Variants in MACROD2 observed in about 807,000 individuals in gnomAD.
MACROD2 encodes the protein mono-ADP ribosylhydrolase 2.
Under a neutral mutation model 70.4 loss-of-function variants are expected in MACROD2, and 36 were observed. That is an observed-to-expected ratio of 0.51 (90% CI 0.39 to 0.68). The LOEUF (loss-of-function observed/expected upper bound fraction) is 0.68. MACROD2 is among the 30% of genes least tolerant of loss of function. The pLI, the probability that MACROD2 is intolerant of heterozygous loss-of-function variation, is 0.00. For synonymous variants in MACROD2, 172 were observed against 178.8 expected, an observed-to-expected ratio of 0.96 and a Z score of 0.30; for missense variants, 496 against 538.4, an observed-to-expected ratio of 0.92 and a Z score of 0.78.
chr20:15,763,319 G>A (rs1429812632), intron 8 of MACROD2, among the ~76,000 whole-genome samples: 2 of 152,142 alleles, frequency 1.3e-5, no homozygotes, highest in Non-Finnish European at 2.9e-5. Flanking sequence ...CATCAGCAGT[G>A]AGTTGAATTG....
intron 5 of MACROD2, among the ~76,000 whole-genome samples, chr20:14,882,688 G>T (rs1028398200): frequency 6.6e-6 from 1 of 152,166 alleles, no homozygotes; most frequent in African/African-American, 2.4e-5. Context: ...GCAGAAAGGC[G>T]TTCAGACCGT....
chr20:14,870,094 T>A (rs567262591), intron 5 of MACROD2, among the ~76,000 whole-genome samples: 2 of 152,110 alleles, frequency 1.3e-5, no homozygotes, highest in South Asian at 4.1e-4. Context: ...CTGATCTCTT[T>A]CTCTTCTCAC....
chr20:15,105,193 G>GT (rs554274888), intron 5 of MACROD2, among the ~76,000 whole-genome samples: 10 of 152,012 alleles, frequency 6.6e-5, no homozygotes, highest in Admixed American at 2.6e-4. Flanking sequence ...CTCAAATGAT[G>GT]TTTTTTTTCT....
chr20:14,465,163 G>A (rs1884888659), intron 3 of MACROD2, among the ~76,000 whole-genome samples: 1 of 151,986 alleles, frequency 6.6e-6, no homozygotes, highest in South Asian at 2.1e-4. Context: ...TTAATGTGTG[G>A]GAGTCTAAGT....
intron 6 of MACROD2, among the ~76,000 whole-genome samples, chr20:15,257,134 G>A (rs2077206519): frequency 6.6e-6 from 1 of 151,854 alleles, no homozygotes; most frequent in South Asian, 2.1e-4. Context: ...TTTTTATCAA[G>A]TATAGGGAAC....
At chr20:14,130,685 T>C (rs190655128) in intron 3 of MACROD2, among the ~76,000 whole-genome samples, 1 of 152,278 alleles carries the variant, frequency 6.6e-6, no homozygotes, top group African/African-American at 2.4e-5. Flanking sequence ...AAGCAGGGCT[T>C]GTTGATCAGT....
intron 6 of MACROD2, among the ~76,000 whole-genome samples, chr20:15,317,768 G>GT (rs148672771): frequency 0.057 from 8,594 of 151,438 alleles, 820 homozygotes; most frequent in African/African-American, 0.2. Context: ...TTTTTATTTA[G>GT]TTTTTTTTGT....
At chr20:14,146,213 A>G (rs1357664296) in intron 3 of MACROD2, among the ~76,000 whole-genome samples, 2 of 152,012 alleles carry the variant, frequency 1.3e-5, no homozygotes, top group Non-Finnish European at 2.9e-5. Context: ...AGCTACTCAG[A>G]GAGGCTGAGG....
intron 15 of MACROD2, among the ~76,000 whole-genome samples, chr20:16,031,498 A>G (rs898584857): frequency 2.0e-5 from 3 of 152,172 alleles, no homozygotes; most frequent in Non-Finnish European, 4.4e-5. Context: ...AATATTTACA[A>G]AATCTTTCCA....
intron 6 of MACROD2, among the ~76,000 whole-genome samples, chr20:15,385,614 T>C (rs1341004798): frequency 6.6e-6 from 1 of 152,204 alleles, no homozygotes; most frequent in African/African-American, 2.4e-5. Context: ...AGAATGGATA[T>C]ACACATTGAC....
At chr20:15,162,078 A>G (rs1317297067) in intron 5 of MACROD2, among the ~76,000 whole-genome samples, 1 of 152,114 alleles carries the variant, frequency 6.6e-6, no homozygotes, top group Non-Finnish European at 1.5e-5. Flanking sequence ...TTCTAACAGT[A>G]GAAGGGACTA....
At chr20:15,197,150 T>G in intron 5 of MACROD2, 1 of 336,604 alleles carries the variant, frequency 3.0e-6, no homozygotes, top group South Asian at 1.2e-4. Context: ...GACTCTTTTT[T>G]AAGGTACCTT....
intron 8 of MACROD2, among the ~76,000 whole-genome samples, chr20:15,844,416 T>G (rs539139513): frequency 2.0e-5 from 3 of 152,112 alleles, no homozygotes; most frequent in Non-Finnish European, 4.4e-5. Context: ...TGCTGTGTGC[T>G]CAACACAATG....
intron 5 of MACROD2, among the ~76,000 whole-genome samples, chr20:14,724,962 G>T (rs1180476531): frequency 1.3e-5 from 2 of 152,172 alleles, no homozygotes. Flanking sequence ...CAATAGCCCA[G>T]ATGAGAAATA....
intron 4 of MACROD2, among the ~76,000 whole-genome samples, chr20:14,580,600 G>A (rs1415194851): frequency 1.3e-5 from 2 of 152,180 alleles, no homozygotes; most frequent in Non-Finnish European, 2.9e-5. Context: ...GGATTGTGCT[G>A]TGTAAACAAA....
chr20:14,737,221 CTGTT>C (rs961143966), intron 5 of MACROD2, among the ~76,000 whole-genome samples: 21 of 152,024 alleles, frequency 1.4e-4, no homozygotes, highest in African/African-American at 4.1e-4. Context: ...TTCTGTTTCT[CTGTT>C]TGTTTGCTGA....
intron 6 of MACROD2, among the ~76,000 whole-genome samples, chr20:15,322,708 C>T (rs1479027845): frequency 6.9e-6 from 1 of 144,066 alleles, no homozygotes; most frequent in Admixed American, 7.0e-5. Flanking sequence ...ATGACATTCT[C>T]CCTGAATTTG....
intron 5 of MACROD2, among the ~76,000 whole-genome samples, chr20:15,023,441 T>G (rs772533986): frequency 6.6e-6 from 1 of 152,090 alleles, no homozygotes; most frequent in African/African-American, 2.4e-5. Flanking sequence ...CCTAATCACA[T>G]AGAAGCAGCA....
chr20:15,359,672 T>C (rs988731321), intron 6 of MACROD2, among the ~76,000 whole-genome samples: 1 of 152,092 alleles, frequency 6.6e-6, no homozygotes, highest in Non-Finnish European at 1.5e-5. Flanking sequence ...TCTTTCTCTA[T>C]ATATGCACAT....
Sources: gnomAD v4.1 joint callset for allele counts (sites outside exome capture counted in the v4.1 genomes callset) on GRCh38, gnomAD v4.1.1 for gene constraint, MANE v1.5 for transcripts, NCBI Gene and HGNC (gene_info 2026-07-23, HGNC 2026-07-21) for gene names.